The following DHX40 variants were observed in gnomAD, a reference collection of about 807,000 sequenced individuals.
DHX40 encodes the protein probable ATP-dependent RNA helicase DHX40.
DHX40 carries 28 observed loss-of-function variants against 89.6 expected under a neutral mutation model. That is an observed-to-expected ratio of 0.31 (90% CI 0.23 to 0.43). The LOEUF (loss-of-function observed/expected upper bound fraction) is 0.43, where lower values mean the gene tolerates loss of function less well. Ranked by LOEUF, DHX40 falls within the 20% of genes least tolerant of loss-of-function variation. The pLI, the probability that DHX40 is intolerant of heterozygous loss-of-function variation, is 1.00. For synonymous variants in DHX40, 226 were observed against 283.6 expected, an observed-to-expected ratio of 0.80 and a Z score of 2.04; for missense variants, 457 against 844.0, an observed-to-expected ratio of 0.54 and a Z score of 5.68.
rs1467132494 is a variant in DHX40, at chr17:59,607,302, CAAATCAAAGCTCAT to C, written c.*145_*158del. On this transcript the variant is annotated 3_prime_UTR_variant, in exon 18 of 18. Transcript: ENST00000251241. ...TTGTTATTGGCCTATGAACTAAAAGCAAATCAAAGCTCATAAATCAAAGCTCATCAGTTCCCATA... is the reference window on the plus strand; with the variant it reads ...TTGTTATTGGCCTATGAACTAAAAGCAAATCAAAGCTCATCAGTTCCCATA... 8 of 1,558,872 alleles carry C rather than the reference CAAATCAAAGCTCAT, an allele frequency of 5.1e-6. No individual in the cohort carries two copies. The highest frequency in any genetic ancestry group is 1.4e-5 in the African/African-American group (1 of 73,748).
chr17:59,587,328 A>G (rs2049014149), intron 11 of DHX40, among the ~76,000 whole-genome samples: 1 of 150,876 alleles, frequency 6.6e-6, no homozygotes, highest in Non-Finnish European at 1.5e-5. Flanking sequence ...GGTTCAAGCA[A>G]TTCTCCTGCC....
Position 59,607,442 on chromosome 17 carries a change from A to G in DHX40, c.*270A>G, listed in dbSNP as rs1354606322. ...ATGTAATAATATTTTCCTCAGTACA[A>G]TTTTGCTGGCCTTAACTGGTATCAA... On this transcript the variant is annotated 3_prime_UTR_variant, in exon 18 of 18. Transcript: ENST00000251241. 8 of 636,886 alleles carry G rather than the reference A, an allele frequency of 1.3e-5. No homozygotes were observed. The highest frequency in any genetic ancestry group is 5.5e-5 in the East Asian group (2 of 36,582). 39.5% of individuals were successfully genotyped at this position (636,886 alleles called of 1,614,324 possible). A position where few individuals can be genotyped will look rare whatever the true frequency, so the allele number is the denominator to read the frequency against.
At position 59,602,687 on chromosome 17, in the gene DHX40, A is replaced by G. The variant is rs2030607183; in HGVS notation, c.1901+71A>G. 12 of 1,249,346 alleles carry G rather than the reference A, an allele frequency of 9.6e-6. No individual in the cohort carries two copies. The South Asian group carries it at 1.6e-4, about 17-fold the overall frequency. 77.4% of individuals were successfully genotyped at this position (1,249,346 alleles called of 1,614,324 possible). ...TTTGACTATAATATTGGACTATTTA[A>G]TATTAAACATTGAAGATTTGATTTA... On this transcript the variant is annotated intron_variant, in intron 15 of 17. Coordinates refer to ENST00000251241, the MANE Select transcript of DHX40 (RefSeq NM_024612.5).
At chr17:59,565,850 AAAGT>A in intron 1 of DHX40, 67 bp downstream of exon 1, 1 of 1,359,134 alleles carries the variant, frequency 7.4e-7, no homozygotes, top group Non-Finnish European at 1.0e-6. Flanking sequence ...TGGGGGGATG[AAAGT>A]ACGCCTTTGG....
At chr17:59,567,101 A>C (rs1471960773) in intron 2 of DHX40, among the ~76,000 whole-genome samples, 1 of 152,238 alleles carries the variant, frequency 6.6e-6, no homozygotes, top group African/African-American at 2.4e-5. Context: ...ATACTGAAAT[A>C]ATTTTGAGGG....
At chr17:59,570,728 A>G in intron 3 of DHX40, 65 bp downstream of exon 3, 1 of 1,506,456 alleles carries the variant, frequency 6.6e-7, no homozygotes, top group African/African-American at 1.4e-5. Context: ...TCTGTCGCCC[A>G]GCCTGGAGTG....
At position 59,593,795 on chromosome 17, in the gene DHX40, TA is replaced by T. The variant is rs903057733; in HGVS notation, c.1583-4931del. ...CCATGCCCGGCCCCTTGTCTTAAAT[TA>T]AAAAAAAAAACAAAAAAACTTTAAT... On this transcript the variant is annotated intron_variant, in intron 12 of 17. Transcript: ENST00000251241. Among the ~76,000 whole-genome samples, 104 of 144,596 alleles carry T rather than the reference TA, an allele frequency of 7.2e-4. 1 individual carries two copies. Among genetic ancestry groups the T allele is most frequent in the African/African-American group, 2.0e-3 (78 of 39,474 alleles). The allele number at this position is 144,596 out of a possible 152,430, so 94.9% of individuals were successfully genotyped here. A position where few individuals can be genotyped will look rare whatever the true frequency, so the allele number is the denominator to read the frequency against.
At position 59,607,773 on chromosome 17, in the gene DHX40, A is replaced by C. The variant is rs967985599; in HGVS notation, c.*601A>C. 2 of 153,294 alleles carry C rather than the reference A, an allele frequency of 1.3e-5. No homozygotes were observed. The highest frequency in any genetic ancestry group is 4.8e-5 in the African/African-American group (2 of 41,414). The allele number at this position is 153,294 out of a possible 1,614,324, so 9.5% of individuals were successfully genotyped here. ...CTATGGCAGGATTCTTTCTTGAATT[A>C]ATATTAATCCTTAAATTGATTTTTC... On this transcript the variant is annotated 3_prime_UTR_variant, in exon 18 of 18. Coordinates refer to ENST00000251241, the MANE Select transcript of DHX40 (RefSeq NM_024612.5).
chr17:59,577,420 T>C, intron 8 of DHX40, 55 bp downstream of exon 8: 1 of 1,419,322 alleles, frequency 7.0e-7, no homozygotes. Flanking sequence ...TACTAAACAT[T>C]AGCTAAACAT....
chr17:59,606,882 C>A, intron 17 of DHX40, 151 bp from the exon 18 acceptor site: 1 of 713,128 alleles, frequency 1.4e-6, no homozygotes, highest in Non-Finnish European at 2.3e-6. Flanking sequence ...TAACCATAGA[C>A]TACATTGCTT....
intron 12 of DHX40, among the ~76,000 whole-genome samples, chr17:59,594,018 A>G (rs1321127677): frequency 1.3e-5 from 2 of 151,950 alleles, no homozygotes; most frequent in African/African-American, 4.8e-5. Context: ...TTAGGAGACT[A>G]CTTTCATGGT....
intron 10 of DHX40, among the ~76,000 whole-genome samples, chr17:59,585,451 G>A (rs529417142): frequency 1.2e-4 from 18 of 151,114 alleles, no homozygotes; most frequent in Admixed American, 2.0e-4. Flanking sequence ...GGCTGGGTGC[G>A]GTGGCTCACG....
intron 10 of DHX40, 107 bp from the exon 11 acceptor site, chr17:59,586,046 T>C: frequency 1.3e-6 from 1 of 797,366 alleles, no homozygotes; most frequent in East Asian, 2.8e-5. Flanking sequence ...AGAAGATGAC[T>C]TGAAAAATAG....
intron 3 of DHX40, 104 bp downstream of exon 3, chr17:59,570,767 T>C (rs1461772564): frequency 7.3e-6 from 9 of 1,238,594 alleles, no homozygotes; most frequent in Non-Finnish European, 9.8e-6. Flanking sequence ...CTCTGTAGCC[T>C]CTACCTTCTG....
intron 2 of DHX40, among the ~76,000 whole-genome samples, chr17:59,568,096 C>T (rs144089465): frequency 2.7e-3 from 410 of 149,196 alleles, no homozygotes; most frequent in African/African-American, 9.7e-3. Context: ...GGCGTGGTGG[C>T]GGGCGCCTAT....
At position 59,565,721 on chromosome 17, in the gene DHX40, AGGGTGAGC is replaced by A. The variant is rs753793100; in HGVS notation, c.53_60del (p.Gly18ValfsTer17). On this transcript the variant is annotated frameshift_variant, in exon 1 of 18. Coordinates refer to ENST00000251241, the MANE Select transcript of DHX40 (RefSeq NM_024612.5). LOFTEE classifies it high-confidence loss of function. ...GGCAGGGCGCCAAGGCGGCAGGAGGAGGGTGAGCGGTCAAGAGACCTCCAGGAAGAGCG... is the reference window on the plus strand; with the variant it reads ...GGCAGGGCGCCAAGGCGGCAGGAGGAGGTCAAGAGACCTCCAGGAAGAGCG... 1 of 1,604,348 alleles carries A rather than the reference AGGGTGAGC, an allele frequency of 6.2e-7. No individual in the cohort carries two copies.
At chr17:59,569,726 G>T (rs1256005841) in intron 2 of DHX40, among the ~76,000 whole-genome samples, 11 of 142,488 alleles carry the variant, frequency 7.7e-5, no homozygotes, top group African/African-American at 2.4e-4. Context: ...TATATATATA[G>T]ATATATATAT....
intron 11 of DHX40, 22 bp from the exon 12 acceptor site, chr17:59,587,874 C>G: frequency 6.3e-7 from 1 of 1,596,672 alleles, no homozygotes; most frequent in South Asian, 1.1e-5. Flanking sequence ...GAAAGACTTA[C>G]AAACTTTTTC....
At chr17:59,600,146 G>A (rs1031116702) in intron 14 of DHX40, among the ~76,000 whole-genome samples, 1 of 151,922 alleles carries the variant, frequency 6.6e-6, no homozygotes, top group African/African-American at 2.4e-5. Flanking sequence ...ATAATCCATT[G>A]TCTCACCTAC....
Sources: gnomAD v4.1 joint callset for allele counts (sites outside exome capture counted in the v4.1 genomes callset) on GRCh38, gnomAD v4.1.1 for gene constraint, MANE v1.5 for transcripts, NCBI Gene and HGNC (gene_info 2026-07-23, HGNC 2026-07-21) for gene names.